The following CALN1 variants were observed in gnomAD, a reference collection of about 807,000 sequenced individuals.
CALN1 encodes calcium-binding protein 8.
In CALN1, 17 loss-of-function variants were observed where a neutral mutation model predicts 30.6. The ratio of observed to expected loss-of-function variants is 0.56; its 90% CI spans 0.38 to 0.83. The LOEUF (loss-of-function observed/expected upper bound fraction) is 0.83, where lower values mean the gene tolerates loss of function less well. Among genes scored for constraint, CALN1 ranks in the 40% least tolerant of loss-of-function variants. The pLI, the probability that CALN1 is intolerant of heterozygous loss-of-function variation, is 0.00. For missense variants in CALN1, 291 were observed against 354.9 expected, an observed-to-expected ratio of 0.82 and a Z score of 1.45; for synonymous variants, 156 against 131.4, an observed-to-expected ratio of 1.19 and a Z score of -1.28.
chr7:72,304,896 C>A (rs1328261936), intron 2 of CALN1, among the ~76,000 whole-genome samples: 2 of 152,164 alleles, frequency 1.3e-5, no homozygotes, highest in Admixed American at 6.5e-5. Context: ...GGGTCTATTT[C>A]ATTTTTACAG....
chr7:72,143,204 C>T (rs1051719430), intron 3 of CALN1, among the ~76,000 whole-genome samples: 22 of 152,050 alleles, frequency 1.4e-4, no homozygotes, highest in African/African-American at 3.6e-4. Context: ...TTGAACCCAA[C>T]GCAAAGAAGT....
chr7:72,107,181 G>A (rs529856849), intron 3 of CALN1, among the ~76,000 whole-genome samples: 1 of 152,236 alleles, frequency 6.6e-6, no homozygotes, highest in East Asian at 1.9e-4. Context: ...TTTGGTTTCA[G>A]CTGTGAGGAG....
At chr7:72,492,243 G>C in the CALN1 span, among the ~76,000 whole-genome samples, 1 of 152,210 alleles carries the variant, frequency 6.6e-6, no homozygotes, top group African/African-American at 2.4e-5. Flanking sequence ...AACTGAGAAT[G>C]AACTTAAATG....
intron 4 of CALN1, among the ~76,000 whole-genome samples, chr7:72,065,072 ATATT>A (rs1037842805): frequency 3.4e-5 from 5 of 148,246 alleles, no homozygotes; most frequent in African/African-American, 7.4e-5. Context: ...TATGTAAAAT[ATATT>A]TATATGTTAA....
At chr7:71,969,615 G>C (rs1797697045) in intron 5 of CALN1, among the ~76,000 whole-genome samples, 1 of 152,110 alleles carries the variant, frequency 6.6e-6, no homozygotes, top group Non-Finnish European at 1.5e-5. Flanking sequence ...TGAGGAATAA[G>C]GATCTGAACA....
chr7:72,399,306 C>G (rs557222396), intron 2 of CALN1, among the ~76,000 whole-genome samples: 5 of 131,834 alleles, frequency 3.8e-5, no homozygotes, highest in South Asian at 5.4e-4. Context: ...GAGTCTCACT[C>G]TGTCACCAGG....
chr7:72,185,840 G>T (rs1053909244), intron 3 of CALN1, among the ~76,000 whole-genome samples: 5 of 152,278 alleles, frequency 3.3e-5, no homozygotes, highest in Admixed American at 3.3e-4. Flanking sequence ...GACATGATTT[G>T]CTCCTCTTTG....
At chr7:71,957,584 T>A (rs1286720339) in intron 5 of CALN1, among the ~76,000 whole-genome samples, 1 of 152,188 alleles carries the variant, frequency 6.6e-6, no homozygotes, top group Admixed American at 6.5e-5. Context: ...AAATGGCAAA[T>A]CTCTTAAGTA....
At chr7:72,465,093 C>T in the CALN1 span, among the ~76,000 whole-genome samples, 1 of 152,114 alleles carries the variant, frequency 6.6e-6, no homozygotes, top group South Asian at 2.1e-4. Context: ...CAGCACAGGA[C>T]GATATCTCAG....
chr7:72,336,423 C>T (rs1249078057), intron 2 of CALN1, among the ~76,000 whole-genome samples: 2 of 152,066 alleles, frequency 1.3e-5, no homozygotes, highest in Non-Finnish European at 2.9e-5. Flanking sequence ...CAGCCGAGTC[C>T]GCCGCGGCCC....
intron 2 of CALN1, among the ~76,000 whole-genome samples, chr7:72,368,229 T>C (rs1350482356): frequency 2.0e-5 from 3 of 150,914 alleles, no homozygotes; most frequent in Non-Finnish European, 4.4e-5. Context: ...GTGCGTGATA[T>C]ATATATCTAG....
chr7:72,292,340 G>C (rs1798541671), intron 2 of CALN1, among the ~76,000 whole-genome samples: 2 of 151,638 alleles, frequency 1.3e-5, no homozygotes, highest in South Asian at 4.2e-4. Context: ...GGACAGCAGA[G>C]AGCGCTCTGG....
At chr7:72,143,137 C>T (rs916523886) in intron 3 of CALN1, among the ~76,000 whole-genome samples, 4 of 151,982 alleles carry the variant, frequency 2.6e-5, no homozygotes, top group East Asian at 3.9e-4. Context: ...ATGACTTTGA[C>T]GAGTTGAGAG....
chr7:72,125,935 G>A (rs973513742), intron 3 of CALN1, among the ~76,000 whole-genome samples: 2 of 151,580 alleles, frequency 1.3e-5, no homozygotes, highest in African/African-American at 4.8e-5. Context: ...CCCAAGTAGG[G>A]ATTATAGGCG....
chr7:72,481,689 TCA>T, the CALN1 span, among the ~76,000 whole-genome samples: 1 of 152,238 alleles, frequency 6.6e-6, no homozygotes. Context: ...AGTGCTAATT[TCA>T]CTTTTGATTT....
At chr7:71,981,873 G>A (rs992986662) in intron 5 of CALN1, among the ~76,000 whole-genome samples, 9 of 152,108 alleles carry the variant, frequency 5.9e-5, no homozygotes, top group Admixed American at 3.3e-4. Flanking sequence ...GTCTTCCTCT[G>A]TGTTGACAGT....
At chr7:72,252,116 A>G (rs1292991656) in intron 3 of CALN1, among the ~76,000 whole-genome samples, 1 of 152,088 alleles carries the variant, frequency 6.6e-6, no homozygotes, top group East Asian at 1.9e-4. Flanking sequence ...GCTAATAAGT[A>G]TTGGACTCAA....
intron 3 of CALN1, among the ~76,000 whole-genome samples, chr7:72,223,703 T>C (rs1275030164): frequency 6.6e-6 from 1 of 152,224 alleles, no homozygotes; most frequent in African/African-American, 2.4e-5. Flanking sequence ...CGCACTAGCA[T>C]GTTTATTGCA....
chr7:72,283,071 A>G (rs1482457260), intron 2 of CALN1, among the ~76,000 whole-genome samples: 1 of 143,406 alleles, frequency 7.0e-6, no homozygotes, highest in Non-Finnish European at 1.5e-5. Context: ...AAAAAAAAAA[A>G]GAATCAGCAC....
Sources: gnomAD v4.1 joint callset for allele counts (sites outside exome capture counted in the v4.1 genomes callset) on GRCh38, gnomAD v4.1.1 for gene constraint, MANE v1.5 for transcripts, NCBI Gene and HGNC (gene_info 2026-07-23, HGNC 2026-07-21) for gene names.